The following PLCD1 variants were observed in gnomAD, a reference collection of about 807,000 sequenced individuals.
PLCD1 encodes the protein 1-phosphatidylinositol 4,5-bisphosphate phosphodiesterase delta-1.
Under a neutral mutation model 87.4 loss-of-function variants are expected in PLCD1, and 71 were observed. The observed-to-expected ratio is 0.81, with a 90% CI of 0.67 to 0.99. PLCD1 has a LOEUF of 0.99. PLCD1 is among the 50% of genes least tolerant of loss of function. PLCD1 has a pLI of 0.00. For synonymous variants in PLCD1, 348 were observed against 399.2 expected, an observed-to-expected ratio of 0.87 and a Z score of 1.53; for missense variants, 867 against 1,001.5, an observed-to-expected ratio of 0.87 and a Z score of 1.81.
chr3:38,016,222 C>T (rs1188934821), intron 3 of PLCD1, among the ~76,000 whole-genome samples: 1 of 152,162 alleles, frequency 6.6e-6, no homozygotes, highest in Non-Finnish European at 1.5e-5. Context: ...TAGTCTCTCT[C>T]TCCCCACCAT....
rs1432609178 is a variant in PLCD1, at chr3:38,017,063, G to A, written c.200-344C>T. 6.6e-6 allele frequency among the ~76,000 whole-genome samples: 1 copy of A among 152,098 alleles called. No homozygotes were observed. ...CCCAGGCCTGCTCTCTCGGTGATGG[G>A]GGGTGCAGGGCCCCAGGGAGAGGAC... On this transcript the variant is annotated intron_variant, in intron 2 of 14. Coordinates refer to ENST00000334661, the MANE Select transcript of PLCD1 (RefSeq NM_006225.4). The surrounding 1 kb of genome is among the most constrained non-coding windows in gnomAD (Gnocchi z 4.7).
chr3:38,010,475 C>T lies in PLCD1; in HGVS notation c.878G>A (p.Arg293His), dbSNP rs529324964. The change falls in exon 6 of 15, where the codon CGT becomes CAT. Residue 293 changes from arginine to histidine, a missense_variant. By Grantham distance (29) the Arg-to-His change is conservative. Coordinates refer to ENST00000334661, the MANE Select transcript of PLCD1 (RefSeq NM_006225.4). ...TGGCTGGCCCATGTCCTGGTAGACA[C>T]GGCGGTGTGCCAGGCTGAAGGCGCT... ...DGSAFSLAHRRVYQDMGQPLS... is the reference protein window; with the variant it reads ...DGSAFSLAHRHVYQDMGQPLS... 22 of 1,614,130 alleles carry T rather than the reference C, an allele frequency of 1.4e-5. No homozygotes were observed. The highest frequency in any genetic ancestry group is 1.1e-4 in the South Asian group (10 of 91,088).
intron 1 of PLCD1, among the ~76,000 whole-genome samples, chr3:38,022,878 A>G (rs990438558): frequency 1.6e-4 from 24 of 152,126 alleles, no homozygotes; most frequent in African/African-American, 5.6e-4. Flanking sequence ...CCCAGTCATA[A>G]TATTAGTTTG....
Position 38,009,431 on chromosome 3 carries a change from C to T in PLCD1, c.1447G>A (p.Glu483Lys). 6.2e-7 allele frequency: 1 copy of T among 1,614,176 alleles called. No individual in the cohort carries two copies. The highest frequency in any genetic ancestry group is 8.5e-7 in the Non-Finnish European group (1 of 1,180,022). ...VRSRVQHKPK[E>K]DKLRLAQELS... ...TCCTGTGCTAGCCTGAGCTTGTCCT[C>T]CTGGGGAACACGGGGAGGCCCGGGT... The change falls in exon 10 of 15, where the codon GAG (glutamate) becomes AAG (lysine). Residue 483 changes from glutamate to lysine, a missense_variant and splice_region_variant. Physicochemically the swap from Glu to Lys is moderately conservative, Grantham distance 56. Transcript: ENST00000334661.
Position 38,016,605 on chromosome 3 carries a change from C to T in PLCD1, c.314G>A (p.Arg105His), listed in dbSNP as rs756576128. 45 of 1,613,548 alleles carry T rather than the reference C, an allele frequency of 2.8e-5. No individual in the cohort carries two copies. The highest frequency in any genetic ancestry group is 2.2e-4 in the Admixed American group (13 of 59,948). The change falls in exon 3 of 15, where the codon CGC (arginine) becomes CAC (histidine). Residue 105 changes from arginine (R) to histidine (H), a missense_variant. By Grantham distance (29) the Arg-to-His change is conservative (BLOSUM62 0). Transcript: ENST00000334661. ...RCFSIVFKDQ[R>H]NTLDLIAPSP... Reference sequence around the variant, plus strand: ...TGGGGCGATGAGGTCTAGTGTATTGCGCTGGTCCTTGAAGACAATGGAGAA... The same window carrying T: ...TGGGGCGATGAGGTCTAGTGTATTGTGCTGGTCCTTGAAGACAATGGAGAA...
Position 38,011,267 on chromosome 3 carries a change from G to GCCGCCTCCTC in PLCD1, c.727_736dup (p.Ala246GlyfsTer14). 1 of 1,611,640 alleles carries GCCGCCTCCTC rather than the reference G, an allele frequency of 6.2e-7. No homozygotes were observed. The highest frequency in any genetic ancestry group is 8.5e-7 in the Non-Finnish European group (1 of 1,180,006). On this transcript the variant is annotated frameshift_variant, in exon 5 of 15. Transcript: ENST00000334661. LOFTEE classifies it high-confidence loss of function. Reference sequence around the variant, plus strand: ...GAGGGAGAGGGCCAGCGCAGGCCCTGCCGCCTCCTCCCGCTGCTGGTGCTG... The same window carrying GCCGCCTCCTC: ...GAGGGAGAGGGCCAGCGCAGGCCCTGCCGCCTCCTCCCGCCTCCTCCCGCTGCTGGTGCTG...
rs1699996194 is a variant in PLCD1, at chr3:38,008,156, G to A, written c.2043C>T (p.Asn681=). 1 of 1,613,788 alleles carries A rather than the reference G, an allele frequency of 6.2e-7. No individual in the cohort carries two copies. Among genetic ancestry groups the A allele is most frequent in the South Asian group, 1.1e-5 (1 of 91,074 alleles). Residue 681 remains asparagine (N), a synonymous_variant, in exon 14 of 15, where the codon AAC becomes AAT. Transcript: ENST00000334661. The stretch of plus-strand genomic sequence containing the variant: ...ACGCAAACTCCGTGTCCCACCATGG[G>A]TTGAAACCTAGGGGGACAGGCACCA... ...QTAVITNNGF[N]PWWDTEFAFE...
chr3:38,029,570 C>T lies in PLCD1; in HGVS notation c.-31G>A, dbSNP rs1385097203. The T allele has an allele frequency of 2.6e-6, 4 of 1,534,862 alleles. No homozygotes were observed. Among genetic ancestry groups the T allele is most frequent in the East Asian group, 4.9e-5 (2 of 40,874 alleles). ...ACGGGCGGCGCGGCGGGAGGGGCAC[C>T]GCGGGACTCACTTGAGTAGCGACAG... On this transcript the variant is annotated 5_prime_UTR_variant, in exon 1 of 15. Coordinates refer to ENST00000334661, the MANE Select transcript of PLCD1 (RefSeq NM_006225.4).
chr3:38,024,669 G>C (rs1028500810), intron 1 of PLCD1: 14 of 1,512,264 alleles, frequency 9.3e-6, no homozygotes, highest in African/African-American at 8.3e-5. Context: ...CAGACGCTAG[G>C]AGGCGGAGCT....
At chr3:38,007,879 A>C (rs1329953241) in intron 14 of PLCD1, 21 bp from the exon 15 acceptor site, 13 of 1,611,578 alleles carry the variant, frequency 8.1e-6, no homozygotes, top group Non-Finnish European at 1.1e-5. Context: ...GACAGGCAGG[A>C]GGGAACACAG....
intron 1 of PLCD1, among the ~76,000 whole-genome samples, chr3:38,020,910 C>G (rs1700224299): frequency 6.6e-6 from 1 of 152,134 alleles, no homozygotes; most frequent in Admixed American, 6.5e-5. Context: ...GGTTCAGGTG[C>G]CCTTCCCAAC....
rs1037456461 is a variant in PLCD1 at position 38,018,001 on chromosome 3, G to A, written c.200-1282C>T. 6.6e-6 allele frequency among the ~76,000 whole-genome samples: 1 copy of A among 152,162 alleles called. No homozygotes were observed. The highest frequency in any genetic ancestry group is 6.5e-5 in the Admixed American group (1 of 15,282). ...CCTGAGCCATGGGACCCCCACCCAA[G>A]GCCAGCGCCCTCACCCACACAGAGA... On this transcript the variant is annotated intron_variant, in intron 2 of 14. Coordinates refer to ENST00000334661, the MANE Select transcript of PLCD1 (RefSeq NM_006225.4). The surrounding 1 kb of genome is among the most constrained non-coding windows in gnomAD (Gnocchi z 5.7).
intron 2 of PLCD1, 30 bp from the exon 3 acceptor site, chr3:38,016,749 G>GGAGA: frequency 6.8e-7 from 1 of 1,463,546 alleles, no homozygotes; most frequent in East Asian, 2.5e-5. Flanking sequence ...GAGGAGAGAG[G>GGAGA]GAGAGAATGC....
In PLCD1 at chr3:38,029,607, T is replaced by TG; in HGVS notation, c.-69dup. The TG allele has an allele frequency of 6.8e-7, 1 of 1,473,448 alleles. No homozygotes were observed. The highest frequency in any genetic ancestry group is 9.2e-7 in the Non-Finnish European group (1 of 1,092,362). 91.3% of individuals were successfully genotyped at this position (1,473,448 alleles called of 1,614,324 possible). ...TTGAGTAGCGACAGCACCGGCGGCC[T>TG]GGGGTCCGAGCGGAGTGCGGTGCAG... On this transcript the variant is annotated 5_prime_UTR_variant, in exon 1 of 15. Transcript: ENST00000334661.
chr3:38,027,220 T>C (rs555441126), intron 1 of PLCD1, among the ~76,000 whole-genome samples: 1 of 152,250 alleles, frequency 6.6e-6, no homozygotes, highest in African/African-American at 2.4e-5. Context: ...CTATTTTCCA[T>C]GACTAGGAAC....
chr3:38,011,511 A>G (rs1267347296), intron 4 of PLCD1, 33 bp downstream of exon 4: 1 of 1,614,036 alleles, frequency 6.2e-7, no homozygotes, highest in Non-Finnish European at 8.5e-7. Flanking sequence ...GGCCCCATGG[A>G]CAGGCAGCCC....
Position 38,016,723 on chromosome 3 carries a change from CGAGAGGGGGATGGTGGAGGA to C in PLCD1, c.200-24_200-5del. The stretch of plus-strand genomic sequence containing the variant: ...TCCTGAATGTCCTCGATGGAGACTG[CGAGAGGGGGATGGTGGAGGA>C]GAGAGGGAGAGAATGCTGTGAGGTC... On this transcript the variant is annotated splice_region_variant and splice_polypyrimidine_tract_variant and intron_variant, in intron 2 of 14. Coordinates refer to ENST00000334661, the MANE Select transcript of PLCD1 (RefSeq NM_006225.4). The C allele has an allele frequency of 6.5e-7, 1 of 1,542,166 alleles. No homozygotes were observed. The highest frequency in any genetic ancestry group is 8.8e-7 in the Non-Finnish European group (1 of 1,137,500).
chr3:38,024,866 A>C, intron 1 of PLCD1: 1 of 505,538 alleles, frequency 2.0e-6, no homozygotes, highest in Non-Finnish European at 3.1e-6. Context: ...ACCCCTGGAG[A>C]TGGGGCGAGA....
intron 5 of PLCD1, 137 bp downstream of exon 5, chr3:38,011,077 G>A: frequency 1.5e-6 from 1 of 645,390 alleles, no homozygotes; most frequent in Non-Finnish European, 2.7e-6. Flanking sequence ...ACCAGAAAGT[G>A]TGGAGCAGGG....
Sources: allele counts gnomAD v4.1 joint callset (sites outside exome capture counted in the v4.1 genomes callset), GRCh38; gene constraint gnomAD v4.1.1; non-coding constraint Gnocchi (gnomAD v3.1); transcripts MANE v1.5; gene names NCBI Gene and HGNC (gene_info 2026-07-23, HGNC 2026-07-21).